The following UBR3 variants were observed in gnomAD, a reference collection of about 807,000 sequenced individuals.
UBR3 encodes the protein E3 ubiquitin-protein ligase UBR3.
Under a neutral mutation model 243.2 loss-of-function variants are expected in UBR3, and 85 were observed. That is an observed-to-expected ratio of 0.35 (90% CI 0.29 to 0.42). The LOEUF (loss-of-function observed/expected upper bound fraction) is 0.42, where lower values mean the gene tolerates loss of function less well. Ranked by LOEUF, UBR3 falls within the 10% of genes least tolerant of loss-of-function variation. The pLI, the probability that UBR3 is intolerant of heterozygous loss-of-function variation, is 1.00. For missense variants in UBR3, 1,686 were observed against 2,300.8 expected, an observed-to-expected ratio of 0.73 and a Z score of 5.47; for synonymous variants, 748 against 799.8, an observed-to-expected ratio of 0.94 and a Z score of 1.09.
chr2:169,923,789 C>T (rs1056207121), intron 11 of UBR3, 140 bp from the exon 12 acceptor site: 2 of 755,106 alleles, frequency 2.6e-6, no homozygotes, highest in African/African-American at 3.6e-5. Context: ...ATTTTGGAAT[C>T]TGCATCTTCT....
chr2:169,995,674 T>C (rs905827532), intron 26 of UBR3, among the ~76,000 whole-genome samples: 2 of 152,188 alleles, frequency 1.3e-5, no homozygotes, highest in African/African-American at 4.8e-5. Flanking sequence ...CATTTAAAGA[T>C]ATATAATAAA....
chr2:169,892,737 C>T (rs1469970855), intron 6 of UBR3, among the ~76,000 whole-genome samples: 1 of 152,120 alleles, frequency 6.6e-6, no homozygotes, highest in Non-Finnish European at 1.5e-5. Flanking sequence ...TGTTCCACAG[C>T]TTGAAAAGTG....
chr2:170,013,297 A>G (rs2090140430), intron 29 of UBR3, among the ~76,000 whole-genome samples: 1 of 152,128 alleles, frequency 6.6e-6, no homozygotes, highest in Admixed American at 6.6e-5. Flanking sequence ...ATTTAGAGCC[A>G]TATTGATTTT....
chr2:169,836,012 T>C lies in UBR3; in HGVS notation c.545+7960T>C, dbSNP rs1252981086. 3.9e-3 allele frequency among the ~76,000 whole-genome samples: 96 copies of C among 24,672 alleles called. 1 individual carries two copies. The highest frequency in any genetic ancestry group is 7.6e-3 in the East Asian group (9 of 1,178). The allele number at this position is 24,672 out of a possible 152,430, so 16.2% of individuals were successfully genotyped here. On this transcript the variant is annotated intron_variant, in intron 1 of 38. Coordinates refer to ENST00000272793, the MANE Select transcript of UBR3 (RefSeq NM_172070.4). ...TGCACTGTCTCTCTCTCTCTCTCTC[T>C]CTCTCTCTCTCTCTCTCTCTCTCTC...
At chr2:170,059,918 G>A (rs1169659841) in intron 33 of UBR3, among the ~76,000 whole-genome samples, 1 of 152,094 alleles carries the variant, frequency 6.6e-6, no homozygotes, top group Non-Finnish European at 1.5e-5. Context: ...TCAGATTTTT[G>A]TTATGCAGAG....
intron 6 of UBR3, among the ~76,000 whole-genome samples, chr2:169,891,613 G>GACACACACACACACACACAC (rs3082964): frequency 6.7e-6 from 1 of 148,810 alleles, no homozygotes; most frequent in African/African-American, 2.5e-5. Flanking sequence ...GAGAGACAGA[G>GACACACACACACACACACAC]ACACACACAC....
chr2:170,075,675 C>T (rs1405814402), intron 36 of UBR3, among the ~76,000 whole-genome samples: 1 of 152,088 alleles, frequency 6.6e-6, no homozygotes, highest in African/African-American at 2.4e-5. Context: ...TCTTGTGTTC[C>T]TAACCCTGAT....
intron 5 of UBR3, among the ~76,000 whole-genome samples, chr2:169,880,918 A>T (rs901511129): frequency 2.0e-5 from 3 of 152,048 alleles, no homozygotes; most frequent in African/African-American, 7.3e-5. Flanking sequence ...TGCTCCATCC[A>T]TGTTCATTTC....
chr2:169,873,779 A>G (rs1284444284), intron 2 of UBR3, among the ~76,000 whole-genome samples: 1 of 152,252 alleles, frequency 6.6e-6, no homozygotes, highest in East Asian at 1.9e-4. Context: ...TGAAGGAACC[A>G]GTTACTAGCT....
At chr2:169,855,647 C>G (rs982062623) in intron 1 of UBR3, among the ~76,000 whole-genome samples, 13 of 152,322 alleles carry the variant, frequency 8.5e-5, no homozygotes, top group Non-Finnish European at 2.9e-5. Context: ...GCACATGTTT[C>G]AGAGAGCACG....
At position 170,003,015 on chromosome 2, in the gene UBR3, A is replaced by T. The variant is rs2089771010; in HGVS notation, c.4029+1601A>T. ...AGGTCTACTATATTCTCATGTTCCT[A>T]ACTCAGAAGCAGTAGATATCTCTTT... On this transcript the variant is annotated intron_variant, in intron 27 of 38. Coordinates refer to ENST00000272793, the MANE Select transcript of UBR3 (RefSeq NM_172070.4). Among the ~76,000 whole-genome samples, 4 of 152,254 alleles carry T rather than the reference A, an allele frequency of 2.6e-5. No homozygotes were observed. In the South Asian group the frequency reaches 8.3e-4, roughly 32 times the overall value.
At chr2:169,975,059 A>G (rs750186611) in intron 24 of UBR3, among the ~76,000 whole-genome samples, 1 of 152,044 alleles carries the variant, frequency 6.6e-6, no homozygotes, top group Non-Finnish European at 1.5e-5. Flanking sequence ...TAGTACAGCT[A>G]CTTGAGAGGC....
chr2:170,036,154 T>A (rs144544305), intron 31 of UBR3, among the ~76,000 whole-genome samples: 1,774 of 152,142 alleles, frequency 0.012, 49 homozygotes, highest in African/African-American at 0.039. Context: ...TCTGTATAAC[T>A]TTTATTTCCT....
chr2:170,065,195 C>A (rs1017384640), intron 35 of UBR3, among the ~76,000 whole-genome samples: 3 of 152,124 alleles, frequency 2.0e-5, no homozygotes, highest in Non-Finnish European at 4.4e-5. Flanking sequence ...TTCCCAAATC[C>A]TACAAGATTT....
intron 35 of UBR3, among the ~76,000 whole-genome samples, chr2:170,066,695 A>G (rs1333876991): frequency 2.6e-5 from 4 of 152,104 alleles, no homozygotes; most frequent in East Asian, 3.9e-4. Context: ...GGCTGGGTGC[A>G]ATGGCTCACG....
chr2:169,977,943 A>G (rs1405546372), intron 24 of UBR3, among the ~76,000 whole-genome samples: 1 of 152,058 alleles, frequency 6.6e-6, no homozygotes, highest in Non-Finnish European at 1.5e-5. Flanking sequence ...TGAACTTCCT[A>G]GATTGGCTTT....
intron 31 of UBR3, among the ~76,000 whole-genome samples, chr2:170,039,372 G>A (rs1029534358): frequency 2.4e-4 from 37 of 152,098 alleles, no homozygotes; most frequent in African/African-American, 8.7e-4. Context: ...AATAGAAATG[G>A]TGTGACCCCT....
intron 5 of UBR3, among the ~76,000 whole-genome samples, chr2:169,878,999 A>G (rs570136891): frequency 3.3e-5 from 5 of 152,268 alleles, no homozygotes; most frequent in African/African-American, 1.2e-4. Context: ...CTAATCGTAT[A>G]ATAAAGTTAC....
intron 19 of UBR3, among the ~76,000 whole-genome samples, chr2:169,935,237 C>G (rs931073927): frequency 6.6e-6 from 1 of 152,104 alleles, no homozygotes; most frequent in Middle Eastern, 3.2e-3. Context: ...GTGATCATAG[C>G]CCACTGCAGC....
Sources: allele counts gnomAD v4.1 joint callset (sites outside exome capture counted in the v4.1 genomes callset), GRCh38; gene constraint gnomAD v4.1.1; transcripts MANE v1.5; gene names NCBI Gene and HGNC (gene_info 2026-07-23, HGNC 2026-07-21).